Variants in ATL3 observed in about 807,000 individuals in gnomAD.
The protein encoded by ATL3 is atlastin GTPase 3.
In ATL3, 49 loss-of-function variants were observed where a neutral mutation model predicts 69.5. The ratio of observed to expected loss-of-function variants is 0.71; its 90% CI spans 0.56 to 0.89. The LOEUF (loss-of-function observed/expected upper bound fraction) is 0.89. ATL3 is among the 40% of genes least tolerant of loss of function. ATL3 has a pLI of 0.00. For missense variants in ATL3, 606 were observed against 645.7 expected, an observed-to-expected ratio of 0.94 and a Z score of 0.67; for synonymous variants, 214 against 224.1, an observed-to-expected ratio of 0.95 and a Z score of 0.40.
chr11:63,670,516 G>A (rs1474247047), intron 1 of ATL3: 1 of 152,174 alleles, frequency 6.6e-6, no homozygotes, highest in Non-Finnish European at 1.5e-5. Context: ...CATTACACTA[G>A]AATAAAGCCA....
At chr11:63,664,828 G>A (rs555384996) in intron 1 of ATL3, among the ~76,000 whole-genome samples, 189 of 151,816 alleles carry the variant, frequency 1.2e-3, no homozygotes, top group African/African-American at 4.3e-3. Flanking sequence ...GGCTGGTCTC[G>A]AACTCCTAAC....
At chr11:63,632,835 AC>A in intron 11 of ATL3, 190 bp downstream of exon 11, 2 of 765,712 alleles carry the variant, frequency 2.6e-6, no homozygotes, top group Admixed American at 2.8e-5. Flanking sequence ...ACAAAACAAA[AC>A]AAAACAAGAA....
At chr11:63,630,426 CAAAAAA>C (rs758000337) in intron 12 of ATL3, among the ~76,000 whole-genome samples, 9 of 31,280 alleles carry the variant, frequency 2.9e-4, no homozygotes, top group African/African-American at 7.7e-4. Flanking sequence ...AAATCTGTCT[CAAAAAA>C]AAAAAAAAAA....
At chr11:63,671,088 G>A (rs1452405137) in intron 1 of ATL3, among the ~76,000 whole-genome samples, 1 of 152,194 alleles carries the variant, frequency 6.6e-6, no homozygotes, top group Non-Finnish European at 1.5e-5. Context: ...TAAGGAAGGT[G>A]CCGCCCTCGC....
At chr11:63,645,687 C>A (rs966989149) in intron 6 of ATL3, among the ~76,000 whole-genome samples, 2 of 152,060 alleles carry the variant, frequency 1.3e-5, no homozygotes, top group African/African-American at 4.8e-5. Flanking sequence ...ACCTCCTAGG[C>A]TTAAGTGATC....
chr11:63,629,246 C>T lies in ATL3; in HGVS notation c.*73G>A. On this transcript the variant is annotated 3_prime_UTR_variant, in exon 13 of 13. Coordinates refer to ENST00000398868, the MANE Select transcript of ATL3 (RefSeq NM_015459.5). ...GATCTGCCATTCCTCTGGATATGAA[C>T]CTGTGGCCGTGGCAGAAACCCAGAA... The T allele has an allele frequency of 8.1e-7, 1 of 1,229,246 alleles. No individual in the cohort carries two copies. The highest frequency in any genetic ancestry group is 1.2e-6 in the Non-Finnish European group (1 of 832,216). The allele number at this position is 1,229,246 out of a possible 1,614,324, so 76.1% of individuals were successfully genotyped here.
At chr11:63,641,208 G>A (rs1197719588) in intron 8 of ATL3, among the ~76,000 whole-genome samples, 2 of 152,128 alleles carry the variant, frequency 1.3e-5, no homozygotes, top group African/African-American at 4.8e-5. Flanking sequence ...AAACCAAATA[G>A]TACATAATTA....
At chr11:63,643,775 TGACA>T (rs1300128974) in intron 7 of ATL3, among the ~76,000 whole-genome samples, 1 of 152,222 alleles carries the variant, frequency 6.6e-6, no homozygotes, top group African/African-American at 2.4e-5. Context: ...CAATTAGTAG[TGACA>T]GACAAAGGAT....
chr11:63,658,176 G>A (rs560434020), intron 3 of ATL3, among the ~76,000 whole-genome samples: 7 of 152,152 alleles, frequency 4.6e-5, no homozygotes, highest in Admixed American at 3.3e-4. Context: ...TCTTTAATTG[G>A]TTAAGAGCAC....
At chr11:63,632,894 C>T in intron 11 of ATL3, 132 bp downstream of exon 11, 2 of 849,566 alleles carry the variant, frequency 2.4e-6, no homozygotes, top group Non-Finnish European at 3.8e-6. Flanking sequence ...CCCCCGTTAC[C>T]AGGACAACCT....
chr11:63,656,198 T>C (rs1940241233), intron 3 of ATL3, among the ~76,000 whole-genome samples: 1 of 150,200 alleles, frequency 6.7e-6, no homozygotes, highest in Non-Finnish European at 1.5e-5. Context: ...CACTCCAGCC[T>C]GGGCGACACA....
intron 3 of ATL3, among the ~76,000 whole-genome samples, chr11:63,654,215 C>G (rs918936933): frequency 2.0e-5 from 3 of 149,824 alleles, no homozygotes; most frequent in African/African-American, 7.4e-5. Context: ...GGCGCGATCT[C>G]GGCTCACTGC....
At chr11:63,650,869 C>T (rs1055963362) in intron 5 of ATL3, 1 of 152,192 alleles carries the variant, frequency 6.6e-6, no homozygotes, top group Non-Finnish European at 1.5e-5. Context: ...ACCACTAAGC[C>T]ATGGCACTGG....
At chr11:63,646,601 T>C (rs770658698) in intron 5 of ATL3, 38 bp from the exon 6 acceptor site, 9 of 1,417,934 alleles carry the variant, frequency 6.3e-6, no homozygotes, top group Non-Finnish European at 8.8e-6. Flanking sequence ...AAAGCAAAAT[T>C]ACTTAAAATA....
chr11:63,643,603 CAT>C, intron 7 of ATL3, 108 bp from the exon 8 acceptor site: 10 of 996,860 alleles, frequency 1.0e-5, no homozygotes, highest in Non-Finnish European at 1.4e-5. Context: ...TCTGATGGAT[CAT>C]AGTGGCCAAA....
Position 63,631,242 on chromosome 11 carries a change from A to C in ATL3, c.1337T>G (p.Val446Gly). 1.9e-6 allele frequency: 3 copies of C among 1,614,226 alleles called. No homozygotes were observed. Among genetic ancestry groups the C allele is most frequent in the Non-Finnish European group, 2.5e-6 (3 of 1,180,024 alleles). ...CAAAGCTACAATGCCCGTGAACAGC[A>C]CTGCAGGGGTTCGGAAGGTGCTGAA... ...NVFSTFRTPA[V>G]LFTGIVALYI... The change falls in exon 12 of 13, where the codon GTG becomes GGG. Residue 446 changes from valine to glycine, a missense_variant. Val to Gly is a moderately radical substitution (Grantham distance 109). Coordinates refer to ENST00000398868, the MANE Select transcript of ATL3 (RefSeq NM_015459.5).
At chr11:63,643,238 T>C (rs1295840318) in intron 8 of ATL3, 119 bp downstream of exon 8, 4 of 1,122,098 alleles carry the variant, frequency 3.6e-6, no homozygotes, top group Non-Finnish European at 3.7e-6. Flanking sequence ...AGACTTTAAA[T>C]ACTACTCTTT....
chr11:63,633,115 C>T lies in ATL3; in HGVS notation c.1036-18G>A, dbSNP rs773901584. 19 of 1,607,646 alleles carry T rather than the reference C, an allele frequency of 1.2e-5. No homozygotes were observed. The highest frequency in any genetic ancestry group is 5.3e-5 in the African/African-American group (4 of 74,804). On this transcript the variant is annotated intron_variant, in intron 10 of 12. Coordinates refer to ENST00000398868, the MANE Select transcript of ATL3 (RefSeq NM_015459.5). ...GCAGTGGCCTTTTAAGAGAGAAAAA[C>T]GTGAACTGTAAATCCTTCCTCTTTT...
Position 63,625,536 on chromosome 11 carries a change from A to G in ATL3, c.*3783T>C, listed in dbSNP as rs1450259339. ...TACTTAATTTTGCTATAACTCATAC[A>G]TACATACATACTTATCCAAACTCAC... On this transcript the variant is annotated 3_prime_UTR_variant, in exon 13 of 13. Transcript: ENST00000398868. The G allele has an allele frequency of 6.6e-6, 1 of 152,228 alleles. No individual in the cohort carries two copies. Among genetic ancestry groups the G allele is most frequent in the African/African-American group, 2.4e-5 (1 of 41,454 alleles). 9.4% of individuals were successfully genotyped at this position (152,228 alleles called of 1,614,324 possible).
Sources: gnomAD v4.1 joint callset for allele counts (sites outside exome capture counted in the v4.1 genomes callset) on GRCh38, gnomAD v4.1.1 for gene constraint, MANE v1.5 for transcripts, NCBI Gene and HGNC (gene_info 2026-07-23, HGNC 2026-07-21) for gene names.